NALF1: variants seen among roughly 807,000 people sequenced by gnomAD.
NALF1 encodes the protein NALCN channel auxiliary factor 1, also known as family with sequence similarity 155 member A.
Under a neutral mutation model 48.4 loss-of-function variants are expected in NALF1, and 3 were observed. The observed-to-expected ratio is 0.06, with a 90% confidence interval of 0.03 to 0.16. The LOEUF is 0.16. NALF1 is among the 10% of genes least tolerant of loss of function. The pLI is 1.00. For synonymous variants in NALF1, 262 were observed against 245.7 expected, an observed-to-expected ratio of 1.07 and a Z score of -0.62; for missense variants, 526 against 571.5, an observed-to-expected ratio of 0.92 and a Z score of 0.81.
Position 107,851,805 on chromosome 13 carries a change from C to CATTTTTTTTTTTTTTTTTTTTTTTTTTT in NALF1, c.915+13876_915+13877insAAAAAAAAAAAAAAAAAAAAAAAAAAAT, listed in dbSNP as rs1555329721. Among the ~76,000 whole-genome samples, 4 of 104,732 alleles carry CATTTTTTTTTTTTTTTTTTTTTTTTTTT rather than the reference C, an allele frequency of 3.8e-5. 1 individual carries two copies. Among genetic ancestry groups the CATTTTTTTTTTTTTTTTTTTTTTTTTTT allele is most frequent in the Non-Finnish European group, 7.5e-5 (4 of 53,612 alleles). The allele number at this position is 104,732 out of a possible 152,430, so 68.7% of individuals were successfully genotyped here. A position where few individuals can be genotyped will look rare whatever the true frequency, so the allele number is the denominator to read the frequency against. On this transcript the variant is annotated intron_variant, in intron 1 of 2. Transcript: ENST00000375915. ...GGATTAAGGGCTTTACAGGCCCTTT[C>CATTTTTTTTTTTTTTTTTTTTTTTTTTT]TTTTTTTTTTTTTTTTTTTTTGAGA...
Position 107,266,988 on chromosome 13 carries a change from C to T in NALF1, c.916-56233G>A, listed in dbSNP as rs188872377. On this transcript the variant is annotated intron_variant, in intron 1 of 2. Transcript: ENST00000375915. ...CAACTTCCTACACCAGGATGTTTACCGAGCCAGTGTTACTTCATGTTCTCA... is the reference window on the plus strand; with the variant it reads ...CAACTTCCTACACCAGGATGTTTACTGAGCCAGTGTTACTTCATGTTCTCA... 1.1e-4 allele frequency among the ~76,000 whole-genome samples: 17 copies of T among 152,236 alleles called. No homozygotes were observed. The East Asian group carries it at 2.7e-3, about 24-fold the overall frequency.
chr13:107,744,096 C>T (rs1183423554), intron 1 of NALF1, among the ~76,000 whole-genome samples: 1 of 152,150 alleles, frequency 6.6e-6, no homozygotes, highest in Non-Finnish European at 1.5e-5. Context: ...TTCAGCCTGG[C>T]TGACTGTGAG....
chr13:107,828,276 A>G (rs1879582036), intron 1 of NALF1, among the ~76,000 whole-genome samples: 1 of 152,118 alleles, frequency 6.6e-6, no homozygotes, highest in Non-Finnish European at 1.5e-5. Context: ...TCTGGCCCAT[A>G]TCCACGTTAC....
At chr13:107,528,223 G>GA (rs1278934473) in intron 1 of NALF1, among the ~76,000 whole-genome samples, 3 of 149,760 alleles carry the variant, frequency 2.0e-5, no homozygotes, top group South Asian at 2.1e-4. Flanking sequence ...AGACCTATTA[G>GA]AAAAAAAAAT....
At chr13:107,777,975 A>G (rs147018252) in intron 1 of NALF1, among the ~76,000 whole-genome samples, 2 of 152,338 alleles carry the variant, frequency 1.3e-5, no homozygotes, top group Admixed American at 6.5e-5. Context: ...TTTACTTTCT[A>G]TCTTGTTCAA....
At chr13:107,556,567 C>T (rs946486266) in intron 1 of NALF1, among the ~76,000 whole-genome samples, 26 of 152,188 alleles carry the variant, frequency 1.7e-4, no homozygotes, top group Non-Finnish European at 5.9e-5. Context: ...TCTCGGCTCA[C>T]TGCAACCCCT....
At chr13:107,675,020 C>T (rs965116133) in intron 1 of NALF1, among the ~76,000 whole-genome samples, 1 of 152,128 alleles carries the variant, frequency 6.6e-6, no homozygotes, top group Middle Eastern at 3.2e-3. Context: ...GTGAGGACGA[C>T]ACCTTGAGAG....
At chr13:107,782,702 G>A (rs939046956) in intron 1 of NALF1, among the ~76,000 whole-genome samples, 3 of 150,192 alleles carry the variant, frequency 2.0e-5, no homozygotes, top group Admixed American at 6.6e-5. Context: ...CCTTTGCCCC[G>A]CCGCCCCGTC....
intron 1 of NALF1, among the ~76,000 whole-genome samples, chr13:107,847,267 A>T (rs140322757): frequency 1.1e-3 from 160 of 152,302 alleles, no homozygotes; most frequent in African/African-American, 3.5e-3. Context: ...TTTATTGACA[A>T]AATCAAACAA....
intron 1 of NALF1, among the ~76,000 whole-genome samples, chr13:107,746,470 G>A (rs1242064133): frequency 6.6e-6 from 1 of 152,106 alleles, no homozygotes; most frequent in Non-Finnish European, 1.5e-5. Context: ...ATTGCCAAAC[G>A]TGATTTTTCA....
intron 2 of NALF1, among the ~76,000 whole-genome samples, chr13:107,186,598 C>T (rs1207879730): frequency 6.6e-6 from 1 of 152,136 alleles, no homozygotes; most frequent in African/African-American, 2.4e-5. Context: ...GATCTCCTGA[C>T]CTTGTGATCT....
intron 2 of NALF1, among the ~76,000 whole-genome samples, chr13:107,174,436 A>T (rs1374604600): frequency 6.6e-6 from 1 of 151,778 alleles, no homozygotes; most frequent in African/African-American, 2.4e-5. Flanking sequence ...GCTCACTGCA[A>T]GCTCTGCCTC....
chr13:107,275,205 A>C (rs1881255857), intron 1 of NALF1, among the ~76,000 whole-genome samples: 1 of 152,176 alleles, frequency 6.6e-6, no homozygotes, highest in African/African-American at 2.4e-5. Flanking sequence ...TCCTTTTTTA[A>C]AGTAAATTAT....
At chr13:107,420,209 T>C (rs1240332737) in intron 1 of NALF1, among the ~76,000 whole-genome samples, 1 of 152,130 alleles carries the variant, frequency 6.6e-6, no homozygotes, top group Non-Finnish European at 1.5e-5. Context: ...TAGTCAGCAA[T>C]AGCAATAAAG....
intron 1 of NALF1, among the ~76,000 whole-genome samples, chr13:107,224,561 T>C (rs771527186): frequency 2.0e-5 from 3 of 152,012 alleles, no homozygotes; most frequent in East Asian, 3.9e-4. Context: ...AAATTTTATG[T>C]CCGTAGCAAT....
intron 1 of NALF1, among the ~76,000 whole-genome samples, chr13:107,809,902 C>A (rs1163150570): frequency 1.3e-5 from 2 of 152,028 alleles, no homozygotes; most frequent in Non-Finnish European, 2.9e-5. Context: ...AGTTCTACCC[C>A]TTTTAAGGCA....
chr13:107,586,647 T>TTTTTTTTTTTTTTTTG (rs1878467245), intron 1 of NALF1, among the ~76,000 whole-genome samples: 1 of 145,916 alleles, frequency 6.9e-6, no homozygotes, highest in African/African-American at 2.6e-5. Flanking sequence ...TTTTTTTTTT[T>TTTTTTTTTTTTTTTTG]TTGCTAGGAA....
Position 107,170,772 on chromosome 13 carries a change from A to C in NALF1, c.1102T>G (p.Phe368Val), listed in dbSNP as rs778157700. 6.2e-7 allele frequency: 1 copy of C among 1,614,166 alleles called. No homozygotes were observed. Among genetic ancestry groups the C allele is most frequent in the Admixed American group, 1.7e-5 (1 of 60,018 alleles). The change falls in exon 3 of 3, where the codon TTT becomes GTT. Residue 368 changes from phenylalanine to valine, a missense_variant. By Grantham distance (50) the Phe-to-Val change is conservative (BLOSUM62 -1). Around this residue, in one of 2 missense-constraint regions of NALF1, gnomAD observed 153 missense variants for 215.9 expected, o/e 0.71. Coordinates refer to ENST00000375915, the MANE Select transcript of NALF1 (RefSeq NM_001080396.3). ...SFICTGLYETFLTNDEPECCD... is the reference protein window; with the variant it reads ...SFICTGLYETVLTNDEPECCD... ...CATTCTGGTTCATCATTGGTTAGAA[A>C]GGTTTCATAAAGCCCTGTAGGAAGA...
intron 1 of NALF1, among the ~76,000 whole-genome samples, chr13:107,464,830 T>C (rs1361508947): frequency 6.6e-6 from 1 of 152,144 alleles, no homozygotes; most frequent in Non-Finnish European, 1.5e-5. Context: ...GCAATACAAA[T>C]TTTTAGACCA....
Sources: allele counts gnomAD v4.1 joint callset (sites outside exome capture counted in the v4.1 genomes callset), GRCh38; gene constraint gnomAD v4.1.1; regional missense constraint gnomAD v4.1.1; transcripts MANE v1.5; gene names NCBI Gene and HGNC (gene_info 2026-07-23, HGNC 2026-07-21).